Variants in EVL observed in about 807,000 individuals in gnomAD.
EVL encodes the protein ena/VASP-like protein.
EVL carries 21 observed loss-of-function variants against 59.6 expected under a neutral mutation model. The observed-to-expected ratio is 0.35, with a 90% CI of 0.25 to 0.51. The LOEUF (loss-of-function observed/expected upper bound fraction) is 0.51. EVL is among the 20% of genes least tolerant of loss of function. The pLI, the probability that EVL is intolerant of heterozygous loss-of-function variation, is 0.97. For missense variants in EVL, 462 were observed against 546.6 expected (o/e 0.85, Z 1.54); for synonymous variants, 198 against 203.5 (o/e 0.97, Z 0.23).
At chr14:100,003,254 T>G (rs1362885482) in intron 1 of EVL, among the ~76,000 whole-genome samples, 1 of 152,194 alleles carries the variant, frequency 6.6e-6, no homozygotes, top group Non-Finnish European at 1.5e-5. Context: ...CTTCCAGGCC[T>G]GAAGATGAGG....
At chr14:100,128,302 G>GC (rs1888208410) in intron 5 of EVL, among the ~76,000 whole-genome samples, 1 of 152,332 alleles carries the variant, frequency 6.6e-6, no homozygotes, top group South Asian at 2.1e-4. Flanking sequence ...GTCCAGCCAG[G>GC]CCCCGGAGTA....
At chr14:100,050,357 ATTTAT>A (rs2061627045) in intron 1 of EVL, among the ~76,000 whole-genome samples, 2 of 37,860 alleles carry the variant, frequency 5.3e-5, no homozygotes, top group South Asian at 6.9e-4. Context: ...TTATTTATTT[ATTTAT>A]TTTTTTTTAG....
At chr14:100,103,644 C>T (rs544086208) in intron 3 of EVL, among the ~76,000 whole-genome samples, 4 of 152,192 alleles carry the variant, frequency 2.6e-5, no homozygotes, top group Admixed American at 6.5e-5. Flanking sequence ...GGATGAGGCG[C>T]CCCTTCTATG....
Position 100,128,583 on chromosome 14 carries a change from T to TCCCCCCCCCCCCCCCCCCCCCCCCCCC in EVL, c.554_555insCCCCCCCCCCCCCCCCCCCCCCCCCCC (p.Pro191_Val192insProProProProProProProProPro). ...GCGCCCCCGTCTCATGTAGTGGGCC[T>TCCCCCCCCCCCCCCCCCCCCCCCCCCC]CCACCGCCCCCCCCACCCCCAGTCC... On this transcript the variant is annotated inframe_insertion, in exon 6 of 14. Coordinates refer to ENST00000392920, the MANE Select transcript of EVL (RefSeq NM_016337.3). 6.3e-7 allele frequency: 1 copy of TCCCCCCCCCCCCCCCCCCCCCCCCCCC among 1,579,774 alleles called. No individual in the cohort carries two copies. The highest frequency in any genetic ancestry group is 8.7e-7 in the Non-Finnish European group (1 of 1,155,636).
In EVL at chr14:100,056,557, T is replaced by C. The variant is rs185362551; in HGVS notation, c.6-28130T>C. ...GTTATCTGTCTTTTAAGTTTTTCTTTTATGCTACTTGCATTTCTCAGAGAT... is the reference window on the plus strand; with the variant it reads ...GTTATCTGTCTTTTAAGTTTTTCTTCTATGCTACTTGCATTTCTCAGAGAT... On this transcript the variant is annotated intron_variant, in intron 1 of 13. Transcript: ENST00000402714. Among the ~76,000 whole-genome samples, 25 of 152,338 alleles carry C rather than the reference T, an allele frequency of 1.6e-4. 1 individual carries two copies. In the East Asian group the frequency reaches 4.6e-3, roughly 28 times the overall value.
chr14:100,026,428 A>C (rs546206384), intron 1 of EVL, among the ~76,000 whole-genome samples: 1 of 152,176 alleles, frequency 6.6e-6, no homozygotes, highest in Non-Finnish European at 1.5e-5. Flanking sequence ...CCCAGATACT[A>C]TGTGCCTGAA....
At chr14:100,123,738 G>A in intron 4 of EVL, 136 bp downstream of exon 4, 1 of 809,862 alleles carries the variant, frequency 1.2e-6, no homozygotes, top group Non-Finnish European at 2.0e-6. Flanking sequence ...GAGGGTGCAA[G>A]GTGCAAGCCA....
intron 2 of EVL, among the ~76,000 whole-genome samples, chr14:100,085,512 C>T (rs1326597196): frequency 1.3e-5 from 2 of 151,936 alleles, no homozygotes; most frequent in East Asian, 3.9e-4. Context: ...GGTGCTCTCC[C>T]TCCAACTCTC....
chr14:100,131,780 T>A (rs1397848362), intron 7 of EVL, among the ~76,000 whole-genome samples: 2 of 152,032 alleles, frequency 1.3e-5, no homozygotes, highest in Non-Finnish European at 2.9e-5. Context: ...GTACCCAGAT[T>A]TAGAGAACTG....
At chr14:100,036,546 A>G (rs1034511832) in intron 1 of EVL, among the ~76,000 whole-genome samples, 1 of 152,188 alleles carries the variant, frequency 6.6e-6, no homozygotes, top group South Asian at 2.1e-4. Context: ...AGGCTTACCC[A>G]TAAACCTTTT....
intron 1 of EVL, among the ~76,000 whole-genome samples, chr14:99,981,037 C>A (rs1165757692): frequency 2.0e-5 from 3 of 150,722 alleles, no homozygotes; most frequent in Non-Finnish European, 4.4e-5. Context: ...AAGTTTGAGA[C>A]CGGCGGCGGT....
rs138385143 is a variant in EVL at position 100,141,225 on chromosome 14, C to T, written c.1140C>T (p.Phe380=). 803 of 1,613,864 alleles carry T rather than the reference C, an allele frequency of 5.0e-4. 7 individuals are homozygous for T. The East Asian group carries it at 0.013, about 27-fold the overall frequency. ...GSVNDMALDA[F]DLDRMKQEIL... ...TGAATGACATGGCCCTGGATGCCTT[C>T]GACTTGGACCGGATGAAGCAGGTGA... The change falls in exon 12 of 14, where the codon TTC becomes TTT. Residue 380 remains phenylalanine, a synonymous_variant. Transcript: ENST00000392920.
chr14:100,004,179 G>A (rs780793787), intron 1 of EVL, among the ~76,000 whole-genome samples: 12 of 152,232 alleles, frequency 7.9e-5, no homozygotes, highest in Non-Finnish European at 1.5e-4. Context: ...ACTCCAGCCT[G>A]GGCGACAGAG....
chr14:100,101,005 T>A (rs1438792981), intron 3 of EVL, among the ~76,000 whole-genome samples: 1 of 152,184 alleles, frequency 6.6e-6, no homozygotes, highest in African/African-American at 2.4e-5. Flanking sequence ...GTGTCCATAT[T>A]CGCATGCTTG....
chr14:100,084,330 C>G (rs2062386500), intron 1 of EVL, among the ~76,000 whole-genome samples: 2 of 152,174 alleles, frequency 1.3e-5, no homozygotes, highest in Admixed American at 1.3e-4. Flanking sequence ...CAGGCATGAG[C>G]TACCGTGCCT....
intron 1 of EVL, among the ~76,000 whole-genome samples, chr14:100,040,395 C>T (rs2061450998): frequency 6.6e-6 from 1 of 152,184 alleles, no homozygotes; most frequent in Non-Finnish European, 1.5e-5. Flanking sequence ...GCTACACGTT[C>T]TCTGGACTTG....
intron 1 of EVL, among the ~76,000 whole-genome samples, chr14:100,013,370 TA>T (rs2061029092): frequency 6.6e-6 from 1 of 152,238 alleles, no homozygotes; most frequent in Non-Finnish European, 1.5e-5. Flanking sequence ...TAATATTAGC[TA>T]CCATTGATTG....
intron 1 of EVL, among the ~76,000 whole-genome samples, chr14:99,973,489 G>A (rs1324329491): frequency 6.6e-6 from 1 of 152,202 alleles, no homozygotes; most frequent in Non-Finnish European, 1.5e-5. Context: ...TTGAGACGGA[G>A]TCTCGCTCTG....
At chr14:100,060,156 C>T (rs550168447) in intron 1 of EVL, among the ~76,000 whole-genome samples, 8 of 151,648 alleles carry the variant, frequency 5.3e-5, no homozygotes, top group African/African-American at 1.9e-4. Flanking sequence ...CAGTGCCGGG[C>T]GCGGTGGCTC....
Sources: gnomAD v4.1 joint callset for allele counts (sites outside exome capture counted in the v4.1 genomes callset) on GRCh38, gnomAD v4.1.1 for gene constraint, MANE v1.5 for transcripts, NCBI Gene and HGNC (gene_info 2026-07-23, HGNC 2026-07-21) for gene names.